Variants in PDXDC1 observed in about 807,000 individuals in gnomAD.
PDXDC1 encodes the protein pyridoxal dependent decarboxylase domain containing 1, also known as pyridoxal-dependent decarboxylase domain-containing protein 1.
A neutral mutation model predicts 100.1 loss-of-function variants in PDXDC1; 42 were observed. The observed-to-expected ratio is 0.42, with a 90% confidence interval of 0.33 to 0.54. PDXDC1 has a LOEUF of 0.54. Ranked by LOEUF, PDXDC1 falls within the 20% of genes least tolerant of loss-of-function variation. The pLI, the probability that PDXDC1 is intolerant of heterozygous loss-of-function variation, is 0.10. For missense variants in PDXDC1, 636 were observed against 979.2 expected, an observed-to-expected ratio of 0.65 and a Z score of 4.68; for synonymous variants, 260 against 371.7, an observed-to-expected ratio of 0.70 and a Z score of 3.46.
At chr16:15,097,448 C>T (rs1782011456) in intron 16 of PDXDC1, among the ~76,000 whole-genome samples, 1 of 128,420 alleles carries the variant, frequency 7.8e-6, no homozygotes, top group South Asian at 2.7e-4. Context: ...TGCGGTGAAA[C>T]CCCGTCTCTA....
intron 1 of PDXDC1, among the ~76,000 whole-genome samples, chr16:14,981,940 T>C (rs1968087575): frequency 6.6e-6 from 1 of 152,368 alleles, no homozygotes; most frequent in African/African-American, 2.4e-5. Context: ...GCAATTCTCC[T>C]GTCTTAGCCT....
chr16:15,101,377 C>T (rs924328605), intron 16 of PDXDC1, among the ~76,000 whole-genome samples: 2 of 152,188 alleles, frequency 1.3e-5, no homozygotes, highest in Non-Finnish European at 2.9e-5. Context: ...ACTGCAGTGG[C>T]ACGATCTCGG....
At chr16:15,073,900 AT>A (rs1451578508) in intron 16 of PDXDC1, among the ~76,000 whole-genome samples, 2 of 152,116 alleles carry the variant, frequency 1.3e-5, no homozygotes, top group African/African-American at 2.4e-5. Context: ...TTCAATAACA[AT>A]TATTTTAAAA....
downstream of PDXDC1, among the ~76,000 whole-genome samples, chr16:15,042,465 C>T (rs1470089043): frequency 3.9e-5 from 6 of 152,160 alleles, no homozygotes; most frequent in Non-Finnish European, 8.8e-5. Flanking sequence ...TCTGGGATTA[C>T]AGGAATGAGC....
intron 16 of PDXDC1, chr16:15,134,277 C>T (rs2048249464): frequency 2.8e-6 from 2 of 715,476 alleles, no homozygotes; most frequent in East Asian, 2.7e-5. Context: ...TCACTTCGTA[C>T]ACGGCCTGTG....
intron 16 of PDXDC1, chr16:15,129,757 C>A: frequency 3.1e-6 from 2 of 641,784 alleles, no homozygotes; most frequent in South Asian, 3.4e-5. Flanking sequence ...AACACACGAG[C>A]CCTTCACACA....
At chr16:15,146,554 G>A in the PDXDC1 span, among the ~76,000 whole-genome samples, 1 of 152,122 alleles carries the variant, frequency 6.6e-6, no homozygotes, top group Non-Finnish European at 1.5e-5. Flanking sequence ...GCAGGAGTAG[G>A]CCGGGTCTTG....
At chr16:15,030,835 T>G (rs2043008089) in intron 16 of PDXDC1, among the ~76,000 whole-genome samples, 1 of 152,078 alleles carries the variant, frequency 6.6e-6, no homozygotes, top group African/African-American at 2.4e-5. Flanking sequence ...CTCTCGATTT[T>G]CCACTACAAG....
At position 15,097,468 on chromosome 16, in the gene PDXDC1, C is replaced by CAAAA. The variant is rs71152407; in HGVS notation, c.1400-41390_1400-41387dup. Among the ~76,000 whole-genome samples the CAAAA allele has an allele frequency of 1.4e-3, 95 of 65,844 alleles. 2 individuals carry two copies. Among genetic ancestry groups the CAAAA allele is most frequent in the African/African-American group, 1.7e-3 (26 of 15,458 alleles). The allele number at this position is 65,844 out of a possible 152,430, so 43.2% of individuals were successfully genotyped here. A position where few individuals can be genotyped will look rare whatever the true frequency, so the allele number is the denominator to read the frequency against. On this transcript the variant is annotated intron_variant, in intron 16 of 16. Transcript: ENST00000535621. ...TGAAACCCCGTCTCTACTAAAAATA[C>CAAAA]AAAAAAAAAAAAAAAAAAAAAAAAT...
intron 16 of PDXDC1, among the ~76,000 whole-genome samples, chr16:15,102,362 G>T (rs1002924581): frequency 6.6e-6 from 1 of 152,102 alleles, no homozygotes; most frequent in Non-Finnish European, 1.5e-5. Context: ...GTGTAGCCTG[G>T]TGAGGCCTGG....
At chr16:15,013,275 G>A (rs2041482715) in intron 8 of PDXDC1, among the ~76,000 whole-genome samples, 2 of 152,064 alleles carry the variant, frequency 1.3e-5, no homozygotes, top group Admixed American at 6.5e-5. Context: ...CTTGAACCCG[G>A]GAGGCGGAGC....
downstream of PDXDC1, among the ~76,000 whole-genome samples, chr16:15,042,813 A>G (rs1367396849): frequency 2.0e-5 from 3 of 151,224 alleles, no homozygotes; most frequent in Non-Finnish European, 2.9e-5. Flanking sequence ...GCTCACTGCA[A>G]CCTCCACCTC....
rs1477819720 is a variant in PDXDC1, at chr16:15,108,146, G to C, written c.1400-30733G>C. 39 of 791,870 alleles carry C rather than the reference G, an allele frequency of 4.9e-5. 2 individuals are homozygous for C. The highest frequency in any genetic ancestry group is 6.0e-5 in the Non-Finnish European group (39 of 652,432). The allele number at this position is 791,870 out of a possible 1,614,324, so 49.1% of individuals were successfully genotyped here. A position where few individuals can be genotyped will look rare whatever the true frequency, so the allele number is the denominator to read the frequency against. On this transcript the variant is annotated intron_variant, in intron 16 of 16. Transcript: ENST00000535621. ...ACTGCAAACCATCCACCCTGGTGTTGACTGACTTTAACAAGGTTCAGTTCA... is the reference window on the plus strand; with the variant it reads ...ACTGCAAACCATCCACCCTGGTGTTCACTGACTTTAACAAGGTTCAGTTCA...
intron 16 of PDXDC1, chr16:15,048,055 TC>T: frequency 6.2e-7 from 1 of 1,613,326 alleles, no homozygotes; most frequent in Non-Finnish European, 8.5e-7. Context: ...GGCCCTGGGG[TC>T]CCACTTGTTG....
intron 16 of PDXDC1, chr16:15,094,704 C>G (rs1045706751): frequency 5.7e-6 from 1 of 174,296 alleles, no homozygotes; most frequent in African/African-American, 2.4e-5. Flanking sequence ...TCACAGACAC[C>G]CAAGATAACG....
chr16:15,084,727 G>A (rs761595376), intron 16 of PDXDC1: 17 of 1,591,922 alleles, frequency 1.1e-5, no homozygotes, highest in Admixed American at 3.3e-5. Context: ...AAAGTTCAGA[G>A]TATGAGCATC....
intron 1 of PDXDC1, among the ~76,000 whole-genome samples, chr16:14,978,470 A>G (rs1435168426): frequency 6.6e-6 from 1 of 152,308 alleles, no homozygotes; most frequent in Non-Finnish European, 1.5e-5. Context: ...GCTCACTGCA[A>G]CGTCCGTCTC....
chr16:15,005,776 T>C (rs1974127208), intron 5 of PDXDC1, among the ~76,000 whole-genome samples: 1 of 152,276 alleles, frequency 6.6e-6, no homozygotes, highest in Non-Finnish European at 1.5e-5. Context: ...CTCGGCTCAC[T>C]GCACCCTCCA....
intron 1 of PDXDC1, among the ~76,000 whole-genome samples, chr16:14,982,679 C>T (rs1286513139): frequency 6.6e-6 from 1 of 152,268 alleles, no homozygotes; most frequent in Non-Finnish European, 1.5e-5. Context: ...GTTTACAAGT[C>T]ACTGTATCAG....
Sources: gnomAD v4.1 joint callset for allele counts (sites outside exome capture counted in the v4.1 genomes callset) on GRCh38, gnomAD v4.1.1 for gene constraint, MANE v1.5 for transcripts, NCBI Gene and HGNC (gene_info 2026-07-23, HGNC 2026-07-21) for gene names.